LPGAT1: variants seen among roughly 807,000 people sequenced by gnomAD.
LPGAT1 encodes acyl-CoA:lysophosphatidylglycerol acyltransferase 1.
LPGAT1 carries 11 observed loss-of-function variants against 47.5 expected under a neutral mutation model. That is an observed-to-expected ratio of 0.23 (90% confidence interval 0.15 to 0.38). The LOEUF is 0.38. LPGAT1 is among the 10% of genes least tolerant of loss of function. The probability of loss-of-function intolerance (pLI) is 1.00; values close to 1 mark genes in which losing one functional copy is unlikely to be tolerated. For synonymous variants in LPGAT1, 138 were observed against 144.2 expected (o/e 0.96, Z 0.31); for missense variants, 293 against 439.0 (o/e 0.67, Z 2.97).
intron 6 of LPGAT1, among the ~76,000 whole-genome samples, chr1:211,769,287 G>C (rs1401163275): frequency 6.6e-6 from 1 of 152,158 alleles, no homozygotes; most frequent in African/African-American, 2.4e-5. Flanking sequence ...TCCTGACTGA[G>C]TGGATGTGGA....
intron 2 of LPGAT1, among the ~76,000 whole-genome samples, chr1:211,823,646 T>C (rs372189241): frequency 8.4e-4 from 128 of 152,232 alleles, no homozygotes; most frequent in African/African-American, 2.9e-3. Context: ...TGTGTTAAAT[T>C]AGTAAATGTG....
At chr1:211,823,959 T>G (rs1278671970) in intron 2 of LPGAT1, among the ~76,000 whole-genome samples, 1 of 150,988 alleles carries the variant, frequency 6.6e-6, no homozygotes, top group African/African-American at 2.4e-5. Context: ...AAAAAAAAAT[T>G]AACAAATGTG....
intron 6 of LPGAT1, among the ~76,000 whole-genome samples, chr1:211,769,394 C>T (rs750165820): frequency 6.6e-6 from 1 of 151,968 alleles, no homozygotes; most frequent in Admixed American, 6.6e-5. Flanking sequence ...ATGGTAAAGG[C>T]TATGAAGGAG....
At chr1:211,825,182 A>G (rs1660505094) in intron 2 of LPGAT1, among the ~76,000 whole-genome samples, 1 of 137,610 alleles carries the variant, frequency 7.3e-6, no homozygotes, top group African/African-American at 2.6e-5. Flanking sequence ...TTTCATGCAC[A>G]GTCTTCTTTT....
intron 2 of LPGAT1, among the ~76,000 whole-genome samples, chr1:211,801,345 C>A (rs575172309): frequency 9.8e-5 from 15 of 152,300 alleles, no homozygotes; most frequent in African/African-American, 3.6e-4. Flanking sequence ...CACTTTCCTA[C>A]AATTTGCCAC....
Position 211,829,223 on chromosome 1 carries a change from A to G in LPGAT1, c.74T>C (p.Met25Thr), listed in dbSNP as rs1335639486. ...LVKALMRFAF[M>T]VVNNLVAIPS... The stretch of plus-strand genomic sequence containing the variant: ...AATAGCAACCAGGTTGTTGACGACC[A>G]TGAAGGCAAACCTCATCAGTGCTTT... Residue 25 changes from methionine (M) to threonine (T), a missense_variant, in exon 2 of 8, where the codon ATG (methionine) becomes ACG (threonine). Transcript: ENST00000366997. 1.9e-6 allele frequency: 3 copies of G among 1,614,128 alleles called. No individual in the cohort carries two copies. The highest frequency in any genetic ancestry group is 3.3e-5 in the Admixed American group (2 of 60,016).
intron 2 of LPGAT1, among the ~76,000 whole-genome samples, chr1:211,814,722 C>G (rs1228451172): frequency 6.6e-6 from 1 of 152,164 alleles, no homozygotes; most frequent in African/African-American, 2.4e-5. Context: ...CTATATCACT[C>G]CCTCCAGTAT....
intron 2 of LPGAT1, chr1:211,803,064 CT>C (rs904685604): frequency 6.6e-6 from 1 of 151,874 alleles, no homozygotes; most frequent in African/African-American, 2.4e-5. Context: ...TTCACAAAGA[CT>C]GAACTTGTTT....
chr1:211,755,887 T>C (rs552485398), intron 6 of LPGAT1, among the ~76,000 whole-genome samples: 17 of 152,316 alleles, frequency 1.1e-4, no homozygotes, highest in African/African-American at 3.8e-4. Flanking sequence ...TTTTGGTTGA[T>C]GAAATATTTT....
At chr1:211,767,534 A>G (rs1657969376) in intron 6 of LPGAT1, among the ~76,000 whole-genome samples, 1 of 152,230 alleles carries the variant, frequency 6.6e-6, no homozygotes, top group African/African-American at 2.4e-5. Context: ...ACAACAGTGA[A>G]GCAGAACTAA....
chr1:211,762,701 C>T (rs113400402), intron 6 of LPGAT1, among the ~76,000 whole-genome samples: 1 of 152,118 alleles, frequency 6.6e-6, no homozygotes, highest in African/African-American at 2.4e-5. Flanking sequence ...TTCTTATTAT[C>T]AGTAATTCAG....
chr1:211,753,221 T>C lies in LPGAT1; in HGVS notation c.855-2154A>G, dbSNP rs142929251. On this transcript the variant is annotated intron_variant, in intron 6 of 7. Transcript: ENST00000366997. ...TAACTATACCTCATGTCTCTTTCAC[T>C]GATTACTTTTGATGAGGACATCCTT... is the stretch of plus-strand genomic sequence containing the variant. Among the ~76,000 whole-genome samples, 199 of 152,348 alleles carry C rather than the reference T, an allele frequency of 1.3e-3. 1 individual carries two copies. Among genetic ancestry groups the C allele is most frequent in the Non-Finnish European group, 2.7e-3 (183 of 68,018 alleles).
chr1:211,750,748 G>C (rs1226756666), intron 7 of LPGAT1, among the ~76,000 whole-genome samples: 1 of 152,172 alleles, frequency 6.6e-6, no homozygotes, highest in East Asian at 1.9e-4. Context: ...ATTACCTAAG[G>C]TCATCTTGAT....
At chr1:211,759,482 T>G (rs1168498414) in intron 6 of LPGAT1, among the ~76,000 whole-genome samples, 6 of 152,246 alleles carry the variant, frequency 3.9e-5, no homozygotes, top group Non-Finnish European at 8.8e-5. Flanking sequence ...AATGAAATTT[T>G]CTGGTATTGC....
chr1:211,780,962 T>C (rs1400568602), intron 5 of LPGAT1, among the ~76,000 whole-genome samples: 3 of 152,202 alleles, frequency 2.0e-5, no homozygotes, highest in Non-Finnish European at 4.4e-5. Context: ...TGTTAAATCA[T>C]GTGATAACAA....
At chr1:211,768,059 T>C (rs1036332661) in intron 6 of LPGAT1, among the ~76,000 whole-genome samples, 2 of 152,164 alleles carry the variant, frequency 1.3e-5, no homozygotes, top group African/African-American at 4.8e-5. Context: ...AACTTTTATG[T>C]CAAAAAAGAA....
chr1:211,820,640 A>T (rs557277994), intron 2 of LPGAT1, among the ~76,000 whole-genome samples: 2 of 152,084 alleles, frequency 1.3e-5, no homozygotes, highest in African/African-American at 4.8e-5. Flanking sequence ...AGTAAAAGAC[A>T]TGAAAGAAAC....
intron 6 of LPGAT1, among the ~76,000 whole-genome samples, chr1:211,764,972 C>T (rs1657849192): frequency 6.6e-6 from 1 of 152,174 alleles, no homozygotes; most frequent in African/African-American, 2.4e-5. Flanking sequence ...TTTGGAGATA[C>T]AAACAATGAG....
At chr1:211,785,080 G>A (rs913637834) in intron 4 of LPGAT1, among the ~76,000 whole-genome samples, 1 of 152,142 alleles carries the variant, frequency 6.6e-6, no homozygotes, top group Admixed American at 6.6e-5. Context: ...TGGGATTACA[G>A]GCGTGAGCCA....
Sources: allele counts gnomAD v4.1 joint callset (sites outside exome capture counted in the v4.1 genomes callset), GRCh38; gene constraint gnomAD v4.1.1; transcripts MANE v1.5; gene names NCBI Gene and HGNC (gene_info 2026-07-23, HGNC 2026-07-21).